Variants in ZBTB8A observed in about 807,000 individuals in gnomAD.
ZBTB8A encodes the protein zinc finger and BTB domain-containing protein 8A.
In ZBTB8A, 19 loss-of-function variants were observed where a neutral mutation model predicts 37.8. The ratio of observed to expected loss-of-function variants is 0.50; its 90% CI spans 0.35 to 0.74. The LOEUF is 0.74. Among genes scored for constraint, ZBTB8A ranks in the 30% least tolerant of loss-of-function variants. The pLI is 0.01. For synonymous variants in ZBTB8A, 181 were observed against 185.2 expected, an observed-to-expected ratio of 0.98 and a Z score of 0.19; for missense variants, 394 against 537.8, an observed-to-expected ratio of 0.73 and a Z score of 2.65.
At chr1:32,565,426 G>A (rs1289114883) in intron 2 of ZBTB8A, among the ~76,000 whole-genome samples, 1 of 152,184 alleles carries the variant, frequency 6.6e-6, no homozygotes, top group African/African-American at 2.4e-5. Context: ...GGCCCAGGCT[G>A]GAGGATTGCT....
intron 2 of ZBTB8A, among the ~76,000 whole-genome samples, chr1:32,581,107 A>G (rs1389946980): frequency 2.6e-5 from 3 of 114,462 alleles, no homozygotes; most frequent in African/African-American, 6.7e-5. Context: ...TTAAATATAT[A>G]TAATATATAA....
In ZBTB8A at chr1:32,593,833, G is replaced by T. The variant is rs1430422958; in HGVS notation, c.823+79G>T. 3 of 1,112,066 alleles carry T rather than the reference G, an allele frequency of 2.7e-6. No homozygotes were observed. In the African/African-American group the frequency reaches 4.7e-5, roughly 17 times the overall value. 68.9% of individuals were successfully genotyped at this position (1,112,066 alleles called of 1,614,324 possible). ...TCAGTCTACTGTCAAAACACCCTTAGTTTCAGGTGCTCTAAGCAGTTGAAG... is the reference window on the plus strand; with the variant it reads ...TCAGTCTACTGTCAAAACACCCTTATTTTCAGGTGCTCTAAGCAGTTGAAG... On this transcript the variant is annotated intron_variant, in intron 3 of 4. Transcript: ENST00000373510.
At position 32,551,918 on chromosome 1, in the gene ZBTB8A, G is replaced by T. The variant is rs1644159928; in HGVS notation, c.-83-1541G>T. Among the ~76,000 whole-genome samples, 3 of 151,794 alleles carry T rather than the reference G, an allele frequency of 2.0e-5. No individual in the cohort carries two copies. In the South Asian group the frequency reaches 6.3e-4, roughly 32 times the overall value. ...GTACTTTCTTTTTTTTTCAAGATAT[G>T]TTGAATTTTTAAAGCTATTCTGTTC... On this transcript the variant is annotated intron_variant, in intron 1 of 4. Coordinates refer to ENST00000373510, the MANE Select transcript of ZBTB8A (RefSeq NM_001040441.3).
chr1:32,574,987 C>T (rs868597035), intron 2 of ZBTB8A, among the ~76,000 whole-genome samples: 7 of 152,168 alleles, frequency 4.6e-5, no homozygotes, highest in Non-Finnish European at 7.4e-5. Context: ...GTTGCCCAGG[C>T]TGGTCTTGAA....
At chr1:32,592,133 G>A (rs1557716766) in intron 2 of ZBTB8A, among the ~76,000 whole-genome samples, 1 of 152,256 alleles carries the variant, frequency 6.6e-6, no homozygotes, top group South Asian at 2.1e-4. Context: ...GAGCCACCAC[G>A]CCTGGCTGAT....
chr1:32,598,868 G>A lies in ZBTB8A; in HGVS notation c.994-1219G>A, dbSNP rs112281172. ...GCTGATATATAGAAGCAGCACCATCGTAGTTGTTTATGATGAATGTCCAGT... is the reference window on the plus strand; with the variant it reads ...GCTGATATATAGAAGCAGCACCATCATAGTTGTTTATGATGAATGTCCAGT... On this transcript the variant is annotated intron_variant, in intron 4 of 4. Transcript: ENST00000373510. 1.6e-3 allele frequency among the ~76,000 whole-genome samples: 246 copies of A among 152,036 alleles called. 1 individual carries two copies. Among genetic ancestry groups the A allele is most frequent in the African/African-American group, 5.7e-3 (235 of 41,474 alleles).
chr1:32,591,262 A>C (rs1226328163), intron 2 of ZBTB8A, among the ~76,000 whole-genome samples: 1 of 151,624 alleles, frequency 6.6e-6, no homozygotes. Context: ...ACTGGAGTAC[A>C]GTGAGTGGCA....
chr1:32,586,695 A>G (rs928059597), intron 2 of ZBTB8A, among the ~76,000 whole-genome samples: 2 of 152,084 alleles, frequency 1.3e-5, no homozygotes, highest in African/African-American at 4.8e-5. Flanking sequence ...TTGAATGTTC[A>G]GAAACAAGCA....
At chr1:32,575,767 AC>A (rs1301745453) in intron 2 of ZBTB8A, among the ~76,000 whole-genome samples, 16 of 152,058 alleles carry the variant, frequency 1.1e-4, no homozygotes, top group African/African-American at 3.9e-4. Flanking sequence ...TGGGAGGATC[AC>A]TTGAGGCCAG....
intron 2 of ZBTB8A, among the ~76,000 whole-genome samples, chr1:32,573,577 C>T (rs1345164906): frequency 1.3e-5 from 2 of 150,594 alleles, no homozygotes; most frequent in African/African-American, 2.4e-5. Flanking sequence ...GGACTACAGG[C>T]GTAAGCCACC....
intron 2 of ZBTB8A, among the ~76,000 whole-genome samples, chr1:32,583,380 C>CAAAAAAAAAA (rs372221611): frequency 1.5e-5 from 1 of 68,132 alleles, no homozygotes. Flanking sequence ...GACCCTGTCT[C>CAAAAAAAAAA]AAAAAAAAAA....
intron 2 of ZBTB8A, among the ~76,000 whole-genome samples, chr1:32,568,308 A>AT (rs1644299502): frequency 6.6e-6 from 1 of 151,502 alleles, no homozygotes; most frequent in Non-Finnish European, 1.5e-5. Flanking sequence ...TTCTTATGCC[A>AT]TTTTGTAGTA....
chr1:32,571,504 A>G lies in ZBTB8A; in HGVS notation c.-2+17964A>G, dbSNP rs1174349211. On this transcript the variant is annotated intron_variant, in intron 2 of 4. Coordinates refer to ENST00000373510, the MANE Select transcript of ZBTB8A (RefSeq NM_001040441.3). Reference sequence around the variant, plus strand: ...AGTGGATTGTACTGATTAATTTTCAACTGTTAAACATCTTGTATTCCAGCG... The same window carrying G: ...AGTGGATTGTACTGATTAATTTTCAGCTGTTAAACATCTTGTATTCCAGCG... Among the ~76,000 whole-genome samples, 8 of 152,070 alleles carry G rather than the reference A, an allele frequency of 5.3e-5. No homozygotes were observed. In the South Asian group the frequency reaches 6.2e-4, roughly 12 times the overall value.
intron 1 of ZBTB8A, among the ~76,000 whole-genome samples, chr1:32,548,199 T>C (rs1010278444): frequency 2.0e-5 from 3 of 148,482 alleles, no homozygotes; most frequent in Non-Finnish European, 4.5e-5. Context: ...TGCAATTGAC[T>C]AGTTGGAGTC....
At chr1:32,559,903 TA>T (rs1402998963) in intron 2 of ZBTB8A, among the ~76,000 whole-genome samples, 1 of 152,182 alleles carries the variant, frequency 6.6e-6, no homozygotes, top group African/African-American at 2.4e-5. Flanking sequence ...TTGCCACCTG[TA>T]CTAGTCCGTT....
chr1:32,593,785 C>A, intron 3 of ZBTB8A, 31 bp downstream of exon 3: 1 of 1,555,064 alleles, frequency 6.4e-7, no homozygotes, highest in Non-Finnish European at 8.7e-7. Flanking sequence ...TCCCCTCATC[C>A]AGGTTCCAAA....
chr1:32,595,103 G>A lies in ZBTB8A; in HGVS notation c.873G>A (p.Val291=). The change falls in exon 4 of 5, where the codon GTG becomes GTA. Residue 291 remains valine (V), a synonymous_variant. Transcript: ENST00000373510. The stretch of plus-strand genomic sequence containing the variant: ...AGTGCCCGTACTGCACACATGTGGT[G>A]AAGCGGAAGGCAGACCTAAAGCGCC... ...RFKCPYCTHV[V]KRKADLKRHL... 2 of 1,614,220 alleles carry A rather than the reference G, an allele frequency of 1.2e-6. No individual in the cohort carries two copies. Among genetic ancestry groups the A allele is most frequent in the Non-Finnish European group, 1.7e-6 (2 of 1,180,034 alleles).
intron 2 of ZBTB8A, among the ~76,000 whole-genome samples, chr1:32,585,260 C>G (rs1218093102): frequency 6.6e-6 from 1 of 151,798 alleles, no homozygotes; most frequent in Non-Finnish European, 1.5e-5. Flanking sequence ...GCGATTCTCC[C>G]AACTTGGCCT....
chr1:32,594,887 C>T (rs1294733261), intron 3 of ZBTB8A, among the ~76,000 whole-genome samples, 167 bp from the exon 4 acceptor site: 1 of 151,872 alleles, frequency 6.6e-6, no homozygotes, highest in Non-Finnish European at 1.5e-5. Context: ...AAATTTCTTT[C>T]GTCTCTTACT....
Sources: allele counts gnomAD v4.1 joint callset (sites outside exome capture counted in the v4.1 genomes callset), GRCh38; gene constraint gnomAD v4.1.1; transcripts MANE v1.5; gene names NCBI Gene and HGNC (gene_info 2026-07-23, HGNC 2026-07-21).